PLEKHG7: variants seen among roughly 807,000 people sequenced by gnomAD.
PLEKHG7 encodes pleckstrin homology domain-containing family G member 7.
A neutral mutation model predicts 85.2 loss-of-function variants in PLEKHG7; 77 were observed. The observed-to-expected ratio is 0.90, with a 90% CI of 0.75 to 1.09. The LOEUF (loss-of-function observed/expected upper bound fraction) is 1.09, where lower values mean the gene tolerates loss of function less well. Ranked by LOEUF, PLEKHG7 falls within the 50% of genes least tolerant of loss-of-function variation. The pLI is 0.00. For synonymous variants in PLEKHG7, 301 were observed against 302.4 expected, an observed-to-expected ratio of 1.00 and a Z score of 0.05; for missense variants, 777 against 804.3, an observed-to-expected ratio of 0.97 and a Z score of 0.41.
At chr12:92,711,316 A>G (rs1183421813) in intron 3 of PLEKHG7, among the ~76,000 whole-genome samples, 1 of 151,888 alleles carries the variant, frequency 6.6e-6, no homozygotes, top group Non-Finnish European at 1.5e-5. Context: ...GTCATAGGGA[A>G]CTCCCCATGA....
At chr12:92,725,302 G>A (rs1485096481) in intron 3 of PLEKHG7, among the ~76,000 whole-genome samples, 3 of 152,136 alleles carry the variant, frequency 2.0e-5, no homozygotes, top group South Asian at 2.1e-4. Context: ...GCAGGTAAAT[G>A]GAGCCAGATC....
chr12:92,743,448 G>A (rs896567444), intron 9 of PLEKHG7, among the ~76,000 whole-genome samples: 5 of 152,196 alleles, frequency 3.3e-5, no homozygotes, highest in African/African-American at 1.2e-4. Flanking sequence ...GCCATCCAAT[G>A]AGATAGAAAC....
chr12:92,750,266 T>C (rs981534631), intron 10 of PLEKHG7, among the ~76,000 whole-genome samples: 2 of 152,092 alleles, frequency 1.3e-5, no homozygotes, highest in East Asian at 3.8e-4. Context: ...ATGTCCAATC[T>C]CTCTCAATGG....
At chr12:92,750,961 T>A (rs1872676492) in intron 10 of PLEKHG7, among the ~76,000 whole-genome samples, 1 of 150,578 alleles carries the variant, frequency 6.6e-6, no homozygotes, top group Non-Finnish European at 1.5e-5. Context: ...AATAAATAAA[T>A]AAAAATAAAA....
chr12:92,706,811 G>A lies in PLEKHG7; in HGVS notation c.180G>A (p.Gly60=), dbSNP rs753055696. The A allele has an allele frequency of 3.1e-6, 5 of 1,613,960 alleles. No individual in the cohort carries two copies. Among genetic ancestry groups the A allele is most frequent in the Non-Finnish European group, 4.2e-6 (5 of 1,180,026 alleles). The part of the protein sequence containing the change: ...TLRRLRTRGC[G]TRQDAWQVTT... ...GGAGATTAAGGACCCGTGGCTGTGG[G>A]ACAAGGCAGGATGCCTGGCAGGTGA... Residue 60 remains glycine (G), a synonymous_variant, in exon 2 of 17, where the codon GGG becomes GGA. Transcript: ENST00000344636.
At chr12:92,720,618 G>A (rs1871612185) in intron 3 of PLEKHG7, among the ~76,000 whole-genome samples, 1 of 152,194 alleles carries the variant, frequency 6.6e-6, no homozygotes, top group Admixed American at 6.5e-5. Context: ...GAGCTACTGA[G>A]CCTGGACTCT....
At chr12:92,763,931 T>C (rs1288338552) in intron 14 of PLEKHG7, 110 bp from the exon 15 acceptor site, 1 of 867,856 alleles carries the variant, frequency 1.2e-6, no homozygotes, top group African/African-American at 1.7e-5. Flanking sequence ...TAGGCAATAA[T>C]AGTTTTTAGG....
In PLEKHG7 at chr12:92,706,791, T is replaced by C. The variant is rs766740485; in HGVS notation, c.160T>C (p.Leu54=). 5.1e-5 allele frequency: 83 copies of C among 1,613,794 alleles called. No individual in the cohort carries two copies. Among genetic ancestry groups the C allele is most frequent in the Non-Finnish European group, 6.8e-5 (80 of 1,180,014 alleles). The change falls in exon 2 of 17, where the codon TTA becomes CTA. Residue 54 remains leucine, a synonymous_variant. Coordinates refer to ENST00000344636, the MANE Select transcript of PLEKHG7 (RefSeq NM_001377329.1). ...RISTSPTLRR[L]RTRGCGTRQD... ...CTCCACCTCGCCCACTTTGAGGAGA[T>C]TAAGGACCCGTGGCTGTGGGACAAG...
At chr12:92,755,464 T>C (rs1164827239) in intron 11 of PLEKHG7, among the ~76,000 whole-genome samples, 2 of 151,738 alleles carry the variant, frequency 1.3e-5, no homozygotes, top group Non-Finnish European at 2.9e-5. Context: ...GACAAAAACA[T>C]ATGTTTGTCC....
Position 92,732,225 on chromosome 12 carries a change from T to G in PLEKHG7, c.659-8T>G. On this transcript the variant is annotated splice_polypyrimidine_tract_variant and splice_region_variant and intron_variant, in intron 4 of 16. Transcript: ENST00000344636. The stretch of plus-strand genomic sequence containing the variant: ...TCGTAATAATATATTGTCTTTAATT[T>G]CACCCAGAATCCAAAAAGCCAAGAT... 8.1e-7 allele frequency: 1 copy of G among 1,228,934 alleles called. No homozygotes were observed. Among genetic ancestry groups the G allele is most frequent in the Non-Finnish European group, 1.0e-6 (1 of 985,094 alleles). 76.1% of individuals were successfully genotyped at this position (1,228,934 alleles called of 1,614,324 possible). A position where few individuals can be genotyped will look rare whatever the true frequency, so the allele number is the denominator to read the frequency against.
intron 16 of PLEKHG7, among the ~76,000 whole-genome samples, chr12:92,769,433 T>G (rs990823223): frequency 6.6e-6 from 1 of 152,170 alleles, no homozygotes; most frequent in Non-Finnish European, 1.5e-5. Context: ...TGATGAACCT[T>G]TAAGATGCTC....
intron 3 of PLEKHG7, among the ~76,000 whole-genome samples, chr12:92,727,506 T>A (rs1041374586): frequency 2.0e-5 from 3 of 152,176 alleles, no homozygotes; most frequent in African/African-American, 7.2e-5. Flanking sequence ...CGAGAGAATG[T>A]GATATTTGAT....
Position 92,713,083 on chromosome 12 carries a change from C to T in PLEKHG7, c.530+5411C>T, listed in dbSNP as rs778882867. Reference sequence around the variant, plus strand: ...GATTCACGGCATAGTGAATTGAGATCGCACCACTGCACTCCAGCCTGGACG... The same window carrying T: ...GATTCACGGCATAGTGAATTGAGATTGCACCACTGCACTCCAGCCTGGACG... On this transcript the variant is annotated intron_variant, in intron 3 of 16. Transcript: ENST00000344636. Among the ~76,000 whole-genome samples, 50 of 152,258 alleles carry T rather than the reference C, an allele frequency of 3.3e-4. 2 individuals carry two copies. The Middle Eastern group carries it at 0.017, about 52-fold the overall frequency.
At chr12:92,764,804 A>T (rs879261048) in intron 15 of PLEKHG7, among the ~76,000 whole-genome samples, 5 of 152,192 alleles carry the variant, frequency 3.3e-5, no homozygotes, top group Non-Finnish European at 7.3e-5. Flanking sequence ...AAGATGAATA[A>T]GAAACAGCCG....
chr12:92,714,300 C>A (rs1871424436), intron 3 of PLEKHG7, among the ~76,000 whole-genome samples: 1 of 152,188 alleles, frequency 6.6e-6, no homozygotes. Flanking sequence ...GTTGCCACTA[C>A]TGGGGATGGG....
intron 10 of PLEKHG7, among the ~76,000 whole-genome samples, chr12:92,748,089 C>A (rs923973062): frequency 2.6e-5 from 4 of 152,132 alleles, no homozygotes; most frequent in Admixed American, 2.0e-4. Context: ...TTATGGCTAT[C>A]CTAAATACCC....
In PLEKHG7 at chr12:92,761,846, T is replaced by C. The variant is rs764062533; in HGVS notation, c.1716+15T>C. The C allele has an allele frequency of 1.9e-6, 3 of 1,558,476 alleles. No individual in the cohort carries two copies. The highest frequency in any genetic ancestry group is 2.6e-6 in the Non-Finnish European group (3 of 1,161,028). ...GCAACAAAAAGGTAAAATGCTGCTA[T>C]TTCAAAGTACGTTTCTAAACAAGTT... On this transcript the variant is annotated intron_variant, in intron 14 of 16. Transcript: ENST00000344636.
At chr12:92,732,708 G>A (rs1872026907) in intron 5 of PLEKHG7, among the ~76,000 whole-genome samples, 1 of 152,168 alleles carries the variant, frequency 6.6e-6, no homozygotes. Context: ...TTCTGGGAAA[G>A]CCAATTGGAT....
intron 15 of PLEKHG7, among the ~76,000 whole-genome samples, chr12:92,764,921 A>G (rs1217033087): frequency 4.6e-5 from 7 of 152,096 alleles, no homozygotes. Flanking sequence ...AGTGTTCAGG[A>G]GGACGCAGAC....
Sources: allele counts gnomAD v4.1 joint callset (sites outside exome capture counted in the v4.1 genomes callset), GRCh38; gene constraint gnomAD v4.1.1; transcripts MANE v1.5; gene names NCBI Gene and HGNC (gene_info 2026-07-23, HGNC 2026-07-21).